Variants in PPP2R3A observed in about 807,000 individuals in gnomAD.
PPP2R3A encodes the protein serine/threonine-protein phosphatase 2A regulatory subunit B'' subunit alpha.
A neutral mutation model predicts 106.9 loss-of-function variants in PPP2R3A; 80 were observed. The observed-to-expected ratio is 0.75, with a 90% CI of 0.62 to 0.90. The LOEUF (loss-of-function observed/expected upper bound fraction) is 0.90, where lower values mean the gene tolerates loss of function less well. PPP2R3A is among the 40% of genes least tolerant of loss of function. The pLI is 0.00. For synonymous variants in PPP2R3A, 483 were observed against 468.3 expected (o/e 1.03, Z -0.41); for missense variants, 1,386 against 1,350.4 (o/e 1.03, Z -0.41).
rs369419903 is a variant in PPP2R3A at position 136,109,028 on chromosome 3, A to T, written c.3329+2706A>T. Among the ~76,000 whole-genome samples, 10 of 152,334 alleles carry T rather than the reference A, an allele frequency of 6.6e-5. No individual in the cohort carries two copies. In the East Asian group the frequency reaches 1.7e-3, roughly 26 times the overall value. ...AATGAGCAGCCATGGTAGAAAAGAA[A>T]TAATAGTGAGCATTCAATCCATTTA... On this transcript the variant is annotated intron_variant, in intron 13 of 13. Coordinates refer to ENST00000264977, the MANE Select transcript of PPP2R3A (RefSeq NM_002718.5).
intron 5 of PPP2R3A, among the ~76,000 whole-genome samples, chr3:136,063,053 G>A (rs1459277094): frequency 1.3e-5 from 2 of 152,176 alleles, no homozygotes; most frequent in African/African-American, 4.8e-5. Flanking sequence ...AAACAGCATG[G>A]TGCTGGTACC....
At chr3:136,038,778 A>G (rs1354804037) in intron 3 of PPP2R3A, among the ~76,000 whole-genome samples, 2 of 152,234 alleles carry the variant, frequency 1.3e-5, no homozygotes, top group African/African-American at 4.8e-5. Context: ...GATTGGGGAA[A>G]GTGGATTCAA....
rs752355989 is a variant in PPP2R3A, at chr3:136,070,507, G to A, written c.2499G>A (p.Thr833=). 6.2e-6 allele frequency: 10 copies of A among 1,609,600 alleles called. No individual in the cohort carries two copies. Among genetic ancestry groups the A allele is most frequent in the South Asian group, 5.5e-5 (5 of 90,440 alleles). The part of the protein sequence containing the change: ...QDVVDTHPGL[T]FLKDAPEFHS... ...TGGTGGATACCCACCCTGGTCTCAC[G>A]TTCCTGAAAGATGCTCCAGAATTCC... Residue 833 remains threonine (T), a synonymous_variant, in exon 6 of 14, where the codon ACG becomes ACA. Transcript: ENST00000264977.
At chr3:136,065,931 C>A (rs1208111849) in intron 5 of PPP2R3A, among the ~76,000 whole-genome samples, 11 of 152,114 alleles carry the variant, frequency 7.2e-5, no homozygotes, top group Admixed American at 7.2e-4. Flanking sequence ...CCACCTTGGC[C>A]TTGTAAGTGC....
intron 1 of PPP2R3A, among the ~76,000 whole-genome samples, chr3:135,968,415 G>T (rs1184015600): frequency 6.6e-6 from 1 of 152,206 alleles, no homozygotes; most frequent in Non-Finnish European, 1.5e-5. Context: ...GGATTAACAG[G>T]AGTTACTAGG....
Position 136,082,316 on chromosome 3 carries a change from T to C in PPP2R3A, c.2683T>C (p.Phe895Leu). 6.2e-7 allele frequency: 1 copy of C among 1,603,390 alleles called. No individual in the cohort carries two copies. The highest frequency in any genetic ancestry group is 8.5e-7 in the Non-Finnish European group (1 of 1,170,242). ...EEDINQITDY[F>L]SYEHFYVIYC... ...AGATATAAACCAAATTACAGATTAC[T>C]TCTCCTATGAACATTTCTATGTTAT... The change falls in exon 8 of 14, where the codon TTC (phenylalanine) becomes CTC (leucine). Residue 895 changes from phenylalanine to leucine, a missense_variant. Physicochemically the swap from Phe to Leu is conservative, Grantham distance 22 (BLOSUM62 0). Transcript: ENST00000264977.
chr3:136,122,215 G>C (rs1938022942), intron 13 of PPP2R3A, among the ~76,000 whole-genome samples: 1 of 152,074 alleles, frequency 6.6e-6, no homozygotes, highest in Non-Finnish European at 1.5e-5. Flanking sequence ...CAACACTCTG[G>C]GAAGCTGAGG....
intron 1 of PPP2R3A, among the ~76,000 whole-genome samples, chr3:135,997,762 C>A (rs1166814511): frequency 6.6e-6 from 1 of 152,214 alleles, no homozygotes; most frequent in African/African-American, 2.4e-5. Context: ...CTTTCCCCTC[C>A]TGCTGTTCTA....
In PPP2R3A at chr3:136,146,912, A is replaced by G. The variant is rs1321575865; in HGVS notation, c.*1746A>G. 1 of 152,098 alleles carries G rather than the reference A, an allele frequency of 6.6e-6. No homozygotes were observed. The highest frequency in any genetic ancestry group is 1.5e-5 in the Non-Finnish European group (1 of 68,018). The allele number at this position is 152,098 out of a possible 1,614,324, so 9.4% of individuals were successfully genotyped here. A position where few individuals can be genotyped will look rare whatever the true frequency, so the allele number is the denominator to read the frequency against. On this transcript the variant is annotated 3_prime_UTR_variant, in exon 14 of 14. Transcript: ENST00000264977. ...TTCTTAGAAGCCAGATATGGTTTAA[A>G]TGTTTTATTATCCATAATGATCTAA...
At chr3:136,034,747 C>T (rs1935029646) in intron 3 of PPP2R3A, among the ~76,000 whole-genome samples, 1 of 152,040 alleles carries the variant, frequency 6.6e-6, no homozygotes, top group Non-Finnish European at 1.5e-5. Context: ...CCATTTGTTC[C>T]AGGGTATAGT....
chr3:135,986,198 T>C (rs760899236), intron 1 of PPP2R3A, among the ~76,000 whole-genome samples: 1 of 152,118 alleles, frequency 6.6e-6, no homozygotes, highest in Non-Finnish European at 1.5e-5. Context: ...TGAAGAAAGC[T>C]GTAGAGGTCA....
chr3:136,087,912 T>G lies in PPP2R3A; in HGVS notation c.2818T>G (p.Phe940Val). 6.2e-7 allele frequency: 1 copy of G among 1,610,874 alleles called. No homozygotes were observed. Among genetic ancestry groups the G allele is most frequent in the Non-Finnish European group, 8.5e-7 (1 of 1,177,646 alleles). The change falls in exon 9 of 14, where the codon TTC (phenylalanine) becomes GTC (valine). Residue 940 changes from phenylalanine to valine, a missense_variant. Phe to Val is a conservative substitution (Grantham distance 50, BLOSUM62 -1). Coordinates refer to ENST00000264977, the MANE Select transcript of PPP2R3A (RefSeq NM_002718.5). ...ATCAAGCAGGATTATTGAAAGGATA[T>G]TCTCTGGTGCAGTAACAAGGTAAGA... is the stretch of plus-strand genomic sequence containing the variant. ...ASSSRIIERI[F>V]SGAVTRGKTI...
intron 13 of PPP2R3A, among the ~76,000 whole-genome samples, chr3:136,128,907 C>G (rs1938291702): frequency 6.6e-6 from 1 of 152,152 alleles, no homozygotes; most frequent in African/African-American, 2.4e-5. Flanking sequence ...ACAACCTGCT[C>G]CTGAATGACT....
At chr3:136,062,634 C>T (rs576205321) in intron 5 of PPP2R3A, among the ~76,000 whole-genome samples, 5 of 150,752 alleles carry the variant, frequency 3.3e-5, no homozygotes, top group South Asian at 2.1e-4. Context: ...AGGAGAATGG[C>T]GTGAACCTGG....
intron 1 of PPP2R3A, among the ~76,000 whole-genome samples, chr3:135,991,304 T>C (rs1933150770): frequency 6.6e-6 from 1 of 152,096 alleles, no homozygotes; most frequent in Admixed American, 6.6e-5. Context: ...CTAAATGATT[T>C]TTACCCATAG....
rs371371157 is a variant in PPP2R3A at position 136,060,034 on chromosome 3, TG to T, written c.2470-10441del. ...ATCAGGAAAAATAACTAATAGTTAA[TG>T]GGCCTAATACCTGGGTGATGAAATA... On this transcript the variant is annotated intron_variant, in intron 5 of 13. Transcript: ENST00000264977. Among the ~76,000 whole-genome samples the T allele has an allele frequency of 6.8e-4, 104 of 152,306 alleles. 1 individual carries two copies. The East Asian group carries it at 0.02, about 29-fold the overall frequency.
At chr3:135,976,320 A>G (rs746349883) in intron 1 of PPP2R3A, among the ~76,000 whole-genome samples, 1 of 152,218 alleles carries the variant, frequency 6.6e-6, no homozygotes, top group Non-Finnish European at 1.5e-5. Context: ...GTTGGAACAC[A>G]GATGTAATGA....
chr3:136,016,413 A>G (rs1934269108), intron 2 of PPP2R3A, among the ~76,000 whole-genome samples: 3 of 152,112 alleles, frequency 2.0e-5, no homozygotes, highest in Non-Finnish European at 2.9e-5. Flanking sequence ...CATTCAGTGC[A>G]GTATTAAAGT....
chr3:136,118,127 C>T (rs1044187091), intron 13 of PPP2R3A, among the ~76,000 whole-genome samples: 4 of 152,112 alleles, frequency 2.6e-5, no homozygotes, highest in South Asian at 2.1e-4. Flanking sequence ...TGACAAAAAC[C>T]GCATGGTTAT....
Sources: allele counts gnomAD v4.1 joint callset (sites outside exome capture counted in the v4.1 genomes callset), GRCh38; gene constraint gnomAD v4.1.1; transcripts MANE v1.5; gene names NCBI Gene and HGNC (gene_info 2026-07-23, HGNC 2026-07-21).